Variants in ELMO1 observed in about 807,000 individuals in gnomAD.
ELMO1 encodes the protein engulfment and cell motility protein 1.
ELMO1 carries 26 observed loss-of-function variants against 98.9 expected under a neutral mutation model. That is an observed-to-expected ratio of 0.26 (90% CI 0.19 to 0.36). The LOEUF (loss-of-function observed/expected upper bound fraction) is 0.36, where lower values mean the gene tolerates loss of function less well. Ranked by LOEUF, ELMO1 falls within the 10% of genes least tolerant of loss-of-function variation. The probability of loss-of-function intolerance (pLI) is 1.00; values close to 1 mark genes in which losing one functional copy is unlikely to be tolerated. For synonymous variants in ELMO1, 346 were observed against 346.0 expected (o/e 1.00, Z 0.00); for missense variants, 627 against 935.2 (o/e 0.67, Z 4.30).
At position 37,246,816 on chromosome 7, in the gene ELMO1, C is replaced by A. The variant is rs186085214; in HGVS notation, c.414-2425G>T. Among the ~76,000 whole-genome samples the A allele has an allele frequency of 2.7e-3, 402 of 146,436 alleles. 2 individuals are homozygous for A. The highest frequency in any genetic ancestry group is 9.2e-3 in the African/African-American group (365 of 39,520). ...AACAGACAGATAGATAGATAGATAT[C>A]TATCTATATATATATCTGTATATAT... On this transcript the variant is annotated intron_variant, in intron 6 of 21. Coordinates refer to ENST00000310758, the MANE Select transcript of ELMO1 (RefSeq NM_014800.11).
chr7:36,879,809 G>C (rs1804276537), intron 18 of ELMO1, among the ~76,000 whole-genome samples: 1 of 152,218 alleles, frequency 6.6e-6, no homozygotes, highest in Non-Finnish European at 1.5e-5. Context: ...ATTATGCTAT[G>C]TATATACCAA....
chr7:37,038,693 C>T (rs1795328627), intron 15 of ELMO1, among the ~76,000 whole-genome samples: 1 of 152,210 alleles, frequency 6.6e-6, no homozygotes, highest in Admixed American at 6.5e-5. Flanking sequence ...TTCAATAAAA[C>T]AATACCATAG....
intron 13 of ELMO1, among the ~76,000 whole-genome samples, chr7:37,179,410 T>C (rs1790705448): frequency 6.6e-6 from 1 of 151,710 alleles, no homozygotes; most frequent in Non-Finnish European, 1.5e-5. Flanking sequence ...CCCGAGTATC[T>C]GTGATTACAG....
At chr7:37,013,575 A>G (rs1188060634) in intron 15 of ELMO1, 140 bp from the exon 16 acceptor site, 2 of 1,018,802 alleles carry the variant, frequency 2.0e-6, no homozygotes, top group Non-Finnish European at 2.8e-6. Context: ...GTATTTTTGA[A>G]AAAAGCAACC....
intron 4 of ELMO1, among the ~76,000 whole-genome samples, chr7:37,312,545 G>GA (rs765718251): frequency 4.6e-5 from 7 of 152,176 alleles, no homozygotes; most frequent in Admixed American, 2.0e-4. Context: ...CCTTAAAAAT[G>GA]AAAACTCCTA....
chr7:37,335,403 A>C (rs1016424376), intron 2 of ELMO1, among the ~76,000 whole-genome samples: 1 of 152,128 alleles, frequency 6.6e-6, no homozygotes, highest in Non-Finnish European at 1.5e-5. Flanking sequence ...AGCTTCTATA[A>C]AACAGAGGGG....
At chr7:37,383,812 G>A (rs1380727175) in intron 1 of ELMO1, among the ~76,000 whole-genome samples, 2 of 129,058 alleles carry the variant, frequency 1.5e-5, no homozygotes, top group Non-Finnish European at 3.7e-5. Flanking sequence ...AGGGCTTTTT[G>A]TTGTTGTTGT....
intron 16 of ELMO1, among the ~76,000 whole-genome samples, chr7:36,956,503 T>C (rs1327059673): frequency 6.6e-6 from 1 of 152,238 alleles, no homozygotes; most frequent in African/African-American, 2.4e-5. Context: ...CATCATGTTA[T>C]ATGTTTGTAA....
rs957486331 is a variant in ELMO1 at position 37,375,691 on chromosome 7, T to C, written c.-73-32928A>G. 15 of 1,267,646 alleles carry C rather than the reference T, an allele frequency of 1.2e-5. No homozygotes were observed. In the Admixed American group the frequency reaches 2.0e-4, roughly 17 times the overall value. The allele number at this position is 1,267,646 out of a possible 1,614,324, so 78.5% of individuals were successfully genotyped here. Reference sequence around the variant, plus strand: ...CATGCAGTCTCTCAAGTCCCGAGGCTGTGTGAAGGAACAGTTTGCCTGGAG... The same window carrying C: ...CATGCAGTCTCTCAAGTCCCGAGGCCGTGTGAAGGAACAGTTTGCCTGGAG... On this transcript the variant is annotated intron_variant, in intron 1 of 21. Coordinates refer to ENST00000310758, the MANE Select transcript of ELMO1 (RefSeq NM_014800.11).
chr7:36,872,440 T>C (rs538318869), intron 19 of ELMO1, among the ~76,000 whole-genome samples: 1 of 152,340 alleles, frequency 6.6e-6, no homozygotes, highest in African/African-American at 2.4e-5. Flanking sequence ...TAACCTTTTG[T>C]TATGCAAGCC....
At chr7:37,121,025 G>A (rs545437195) in intron 14 of ELMO1, among the ~76,000 whole-genome samples, 2 of 152,192 alleles carry the variant, frequency 1.3e-5, no homozygotes, top group Non-Finnish European at 1.5e-5. Context: ...AGTCTGGAGT[G>A]GACCTCCAGC....
At chr7:37,168,551 T>A (rs922689946) in intron 13 of ELMO1, among the ~76,000 whole-genome samples, 4 of 152,198 alleles carry the variant, frequency 2.6e-5, no homozygotes, top group African/African-American at 9.7e-5. Flanking sequence ...GTTTTCCTTC[T>A]AACAGACAGG....
intron 10 of ELMO1, among the ~76,000 whole-genome samples, chr7:37,222,158 T>C (rs73690153): frequency 6.6e-6 from 1 of 152,248 alleles, no homozygotes; most frequent in African/African-American, 2.4e-5. Flanking sequence ...CCTCTTACCT[T>C]CCATCACCTC....
intron 14 of ELMO1, among the ~76,000 whole-genome samples, chr7:37,099,936 C>T (rs73335542): frequency 0.014 from 2,051 of 151,808 alleles, 26 homozygotes; most frequent in African/African-American, 0.034. Flanking sequence ...CAAGCTCAAG[C>T]GATTCTCCTG....
At chr7:37,220,865 G>A (rs914629595) in intron 10 of ELMO1, among the ~76,000 whole-genome samples, 10 of 152,012 alleles carry the variant, frequency 6.6e-5, no homozygotes, top group Admixed American at 6.6e-4. Context: ...CAACCTTCCT[G>A]ACCCCACACG....
intron 15 of ELMO1, among the ~76,000 whole-genome samples, chr7:37,014,272 C>T (rs139229157): frequency 6.6e-6 from 1 of 151,954 alleles, no homozygotes; most frequent in African/African-American, 2.4e-5. Flanking sequence ...TTTACAGTTC[C>T]TCTTACCACT....
intron 4 of ELMO1, among the ~76,000 whole-genome samples, chr7:37,311,347 A>C (rs566847457): frequency 4.1e-4 from 62 of 152,134 alleles, no homozygotes; most frequent in African/African-American, 1.4e-3. Flanking sequence ...TTTCTGAAAA[A>C]AATTTTCTGA....
chr7:36,986,157 C>T, intron 16 of ELMO1: 13 of 986,230 alleles, frequency 1.3e-5, no homozygotes, highest in Non-Finnish European at 1.4e-5. Flanking sequence ...TGTAGCTTTG[C>T]TTATGTTTAT....
chr7:37,341,818 T>C (rs1327230572), intron 2 of ELMO1, among the ~76,000 whole-genome samples: 1 of 152,228 alleles, frequency 6.6e-6, no homozygotes, highest in Non-Finnish European at 1.5e-5. Flanking sequence ...CCCTATACTA[T>C]ATACATTATG....
Sources: gnomAD v4.1 joint callset for allele counts (sites outside exome capture counted in the v4.1 genomes callset) on GRCh38, gnomAD v4.1.1 for gene constraint, MANE v1.5 for transcripts, NCBI Gene and HGNC (gene_info 2026-07-23, HGNC 2026-07-21) for gene names.